Variants in TLL1 observed in about 807,000 individuals in gnomAD.
TLL1 encodes tolloid-like protein 1.
A neutral mutation model predicts 128.2 loss-of-function variants in TLL1; 49 were observed. The ratio of observed to expected loss-of-function variants is 0.38; its 90% CI spans 0.30 to 0.48. TLL1 has a LOEUF of 0.48. TLL1 is among the 20% of genes least tolerant of loss of function. The pLI is 0.96. For synonymous variants in TLL1, 454 were observed against 418.8 expected (o/e 1.08, Z -1.03); for missense variants, 1,123 against 1,242.0 (o/e 0.90, Z 1.44).
At chr4:165,912,571 T>G (rs1732585384) in intron 1 of TLL1, among the ~76,000 whole-genome samples, 1 of 152,202 alleles carries the variant, frequency 6.6e-6, no homozygotes. Flanking sequence ...AATCTGGAAA[T>G]CTACATTGAA....
At chr4:166,075,536 A>G (rs893816908) in intron 17 of TLL1, among the ~76,000 whole-genome samples, 3 of 152,198 alleles carry the variant, frequency 2.0e-5, no homozygotes, top group Admixed American at 6.5e-5. Flanking sequence ...ATAGTAGCAC[A>G]ATCATACCCT....
chr4:166,005,575 G>T (rs886798411), intron 6 of TLL1, among the ~76,000 whole-genome samples: 2 of 151,630 alleles, frequency 1.3e-5, no homozygotes, highest in African/African-American at 4.9e-5. Flanking sequence ...TTAAAAAAAA[G>T]TATTCTCCTC....
chr4:165,973,375 T>C (rs1471855422), intron 1 of TLL1, among the ~76,000 whole-genome samples: 5 of 151,910 alleles, frequency 3.3e-5, no homozygotes, highest in African/African-American at 7.2e-5. Flanking sequence ...GATGGTGCTA[T>C]CAAATAAATA....
At chr4:166,064,668 T>C (rs966053400) in intron 15 of TLL1, among the ~76,000 whole-genome samples, 2 of 152,120 alleles carry the variant, frequency 1.3e-5, no homozygotes, top group African/African-American at 4.8e-5. Context: ...ATTTTATTCA[T>C]TATATTGCTA....
chr4:165,966,646 T>C (rs1735390276), intron 1 of TLL1, among the ~76,000 whole-genome samples: 1 of 152,032 alleles, frequency 6.6e-6, no homozygotes, highest in South Asian at 2.1e-4. Flanking sequence ...GGGGGAGACA[T>C]CACATGTCGG....
chr4:166,041,467 A>G (rs912503162), intron 10 of TLL1, among the ~76,000 whole-genome samples: 2 of 151,732 alleles, frequency 1.3e-5, no homozygotes, highest in Non-Finnish European at 2.9e-5. Flanking sequence ...CGCCCAGCTA[A>G]TTTTTGTATT....
intron 1 of TLL1, among the ~76,000 whole-genome samples, chr4:165,883,901 G>T (rs1731067671): frequency 6.6e-6 from 1 of 152,032 alleles, no homozygotes; most frequent in South Asian, 2.1e-4. Flanking sequence ...AAAATATATT[G>T]ACAATTTTCA....
chr4:166,034,023 G>A (rs1327357056), intron 9 of TLL1, among the ~76,000 whole-genome samples: 1 of 152,100 alleles, frequency 6.6e-6, no homozygotes, highest in Non-Finnish European at 1.5e-5. Context: ...ATTCGCAGTA[G>A]TGTATTTATA....
chr4:165,942,790 A>T (rs749649115), intron 1 of TLL1, among the ~76,000 whole-genome samples: 1 of 151,998 alleles, frequency 6.6e-6, no homozygotes, highest in Non-Finnish European at 1.5e-5. Flanking sequence ...TAGAATGCTT[A>T]CTTAATAAGT....
intron 1 of TLL1, among the ~76,000 whole-genome samples, chr4:165,883,008 C>T (rs990918575): frequency 1.1e-4 from 16 of 151,946 alleles, no homozygotes; most frequent in East Asian, 1.9e-4. Flanking sequence ...CAAGAGTTAA[C>T]GCACAGAAAG....
intron 8 of TLL1, among the ~76,000 whole-genome samples, chr4:166,022,086 A>C (rs1738266611): frequency 6.6e-6 from 1 of 152,140 alleles, no homozygotes; most frequent in Non-Finnish European, 1.5e-5. Context: ...GGAACTATGG[A>C]TTTATGAATA....
chr4:166,008,233 A>G (rs571695637), intron 7 of TLL1, among the ~76,000 whole-genome samples, 185 bp downstream of exon 7: 21 of 151,726 alleles, frequency 1.4e-4, no homozygotes, highest in African/African-American at 4.3e-4. Flanking sequence ...TTTTAAAAAT[A>G]TATTTTTAAA....
At chr4:166,020,992 G>C (rs1211182809) in intron 8 of TLL1, among the ~76,000 whole-genome samples, 1 of 152,164 alleles carries the variant, frequency 6.6e-6, no homozygotes, top group African/African-American at 2.4e-5. Context: ...GCACATTTAT[G>C]TGGAGGCTGT....
chr4:166,013,016 GT>G, intron 7 of TLL1, among the ~76,000 whole-genome samples: 1 of 151,764 alleles, frequency 6.6e-6, no homozygotes, highest in Non-Finnish European at 1.5e-5. Flanking sequence ...TATCTGGCTG[GT>G]GCTCAGACAT....
At chr4:166,007,636 G>T (rs567325063) in intron 6 of TLL1, among the ~76,000 whole-genome samples, 1 of 151,702 alleles carries the variant, frequency 6.6e-6, no homozygotes, top group Admixed American at 6.6e-5. Flanking sequence ...TACCAAAAGT[G>T]CAGTAAGATT....
chr4:165,952,858 G>A (rs1734590985), intron 1 of TLL1, among the ~76,000 whole-genome samples: 1 of 152,006 alleles, frequency 6.6e-6, no homozygotes. Flanking sequence ...AATGGACATA[G>A]CATCCCCCCA....
At position 166,078,012 on chromosome 4, in the gene TLL1, T is replaced by C. The variant is rs17047232; in HGVS notation, c.2424T>C (p.Pro808=). 0.037 allele frequency: 59,766 copies of C among 1,613,596 alleles called. 1,672 individuals are homozygous for C. The highest frequency in any genetic ancestry group is 0.13 in the African/African-American group (9,586 of 75,004). The change falls in exon 18 of 21, where the codon CCT becomes CCC. Residue 808 remains proline, a synonymous_variant. Transcript: ENST00000061240. ...KECTWEISAT[P]GHRIKLAFSE... ...GCACTTGGGAAATCAGCGCCACTCC[T>C]GGCCACCGAATCAAATTAGTAAGTG...
At chr4:165,904,298 T>C (rs2110859012) in intron 1 of TLL1, among the ~76,000 whole-genome samples, 1 of 152,316 alleles carries the variant, frequency 6.6e-6, no homozygotes, top group South Asian at 2.1e-4. Flanking sequence ...CCATGTTTTC[T>C]CATTCATCCA....
intron 9 of TLL1, chr4:166,030,458 A>G (rs1432738136): frequency 1.2e-5 from 7 of 601,894 alleles, no homozygotes; most frequent in South Asian, 2.0e-5. Flanking sequence ...CACAGGTTGT[A>G]TTTTCACTCT....
Sources: allele counts gnomAD v4.1 joint callset (sites outside exome capture counted in the v4.1 genomes callset), GRCh38; gene constraint gnomAD v4.1.1; transcripts MANE v1.5; gene names NCBI Gene and HGNC (gene_info 2026-07-23, HGNC 2026-07-21).